SPATA16: variants seen among roughly 807,000 people sequenced by gnomAD.
SPATA16 encodes spermatogenesis-associated protein 16.
Under a neutral mutation model 63.3 loss-of-function variants are expected in SPATA16, and 36 were observed. The ratio of observed to expected loss-of-function variants is 0.57; its 90% CI spans 0.44 to 0.75. The LOEUF is 0.75. SPATA16 is among the 30% of genes least tolerant of loss of function. The pLI is 0.00. For missense variants in SPATA16, 646 were observed against 679.3 expected, an observed-to-expected ratio of 0.95 and a Z score of 0.54; for synonymous variants, 203 against 216.7, an observed-to-expected ratio of 0.94 and a Z score of 0.56.
rs192097140 is a variant in SPATA16, at chr3:173,044,327, A to G, written c.758+4622T>C. Among the ~76,000 whole-genome samples the G allele has an allele frequency of 3.8e-4, 58 of 152,212 alleles. No homozygotes were observed. The East Asian group carries it at 0.011, about 28-fold the overall frequency. ...TCTTTATAGTGGATAATTTCTATCG[A>G]TTTGTCTTCAACTTCACTAGTCCTT... On this transcript the variant is annotated intron_variant, in intron 3 of 10. Coordinates refer to ENST00000351008, the MANE Select transcript of SPATA16 (RefSeq NM_031955.6).
At chr3:173,015,698 G>A (rs1196711855) in intron 4 of SPATA16, among the ~76,000 whole-genome samples, 2 of 152,148 alleles carry the variant, frequency 1.3e-5, no homozygotes, top group African/African-American at 2.4e-5. Context: ...ACTGGTGCTT[G>A]GCATATTTTA....
At chr3:172,965,354 G>T (rs1417082777) in intron 5 of SPATA16, among the ~76,000 whole-genome samples, 5 of 152,160 alleles carry the variant, frequency 3.3e-5, no homozygotes, top group Non-Finnish European at 5.9e-5. Context: ...TATATGAAAG[G>T]TTCTTGCACA....
At chr3:172,966,180 C>T (rs565459872) in intron 5 of SPATA16, among the ~76,000 whole-genome samples, 7 of 152,218 alleles carry the variant, frequency 4.6e-5, no homozygotes, top group South Asian at 2.1e-4. Flanking sequence ...CACAATGTCA[C>T]GTAATATTAA....
intron 1 of SPATA16, among the ~76,000 whole-genome samples, chr3:173,133,096 A>G (rs1215182267): frequency 6.6e-6 from 1 of 152,228 alleles, no homozygotes; most frequent in Admixed American, 6.5e-5. Context: ...GACAAAGTGG[A>G]CTTTATGGAA....
intron 2 of SPATA16, among the ~76,000 whole-genome samples, chr3:173,064,613 T>C (rs1443821942): frequency 2.5e-4 from 38 of 152,326 alleles, no homozygotes; most frequent in South Asian, 8.3e-4. Context: ...AGCTCTAGGA[T>C]GGAGTTAACT....
intron 4 of SPATA16, among the ~76,000 whole-genome samples, chr3:173,005,320 C>T (rs1171502202): frequency 1.7e-5 from 2 of 120,196 alleles, no homozygotes; most frequent in African/African-American, 6.4e-5. Context: ...AAGACTCTGT[C>T]TCAAAAGAAA....
At chr3:172,946,410 T>G (rs1733289538) in intron 6 of SPATA16, among the ~76,000 whole-genome samples, 1 of 152,152 alleles carries the variant, frequency 6.6e-6, no homozygotes. Context: ...TTTCAGGCCT[T>G]GGCTACTAGA....
chr3:173,019,116 T>C (rs1264821020), intron 4 of SPATA16, among the ~76,000 whole-genome samples: 1 of 152,214 alleles, frequency 6.6e-6, no homozygotes, highest in African/African-American at 2.4e-5. Context: ...TAGGATCTTT[T>C]TCACGTGATT....
intron 10 of SPATA16, among the ~76,000 whole-genome samples, chr3:172,890,451 A>G (rs1455760066): frequency 1.3e-5 from 2 of 152,190 alleles, no homozygotes; most frequent in East Asian, 1.9e-4. Flanking sequence ...CCTGACTCCT[A>G]GGACCTGCAT....
intron 5 of SPATA16, among the ~76,000 whole-genome samples, chr3:172,972,532 G>C (rs1029070327): frequency 6.6e-6 from 1 of 152,140 alleles, no homozygotes; most frequent in African/African-American, 2.4e-5. Context: ...TAAGAGAAAA[G>C]AAAACTCCTT....
At chr3:172,910,725 G>A (rs191825158) in intron 10 of SPATA16, among the ~76,000 whole-genome samples, 13 of 152,124 alleles carry the variant, frequency 8.5e-5, no homozygotes, top group Admixed American at 5.2e-4. Flanking sequence ...GGGCTTCTCC[G>A]CCTAAGTTTG....
chr3:173,036,263 G>A lies in SPATA16; in HGVS notation c.758+12686C>T, dbSNP rs1577142614. On this transcript the variant is annotated intron_variant, in intron 3 of 10. Coordinates refer to ENST00000351008, the MANE Select transcript of SPATA16 (RefSeq NM_031955.6). ...GCCTGTCACTTAAAGGAACACAACT[G>A]ACAGTATATATTGCTAGTGATAAAA... 2.6e-5 allele frequency among the ~76,000 whole-genome samples: 4 copies of A among 152,012 alleles called. No individual in the cohort carries two copies. The South Asian group carries it at 8.3e-4, about 31-fold the overall frequency.
intron 4 of SPATA16, among the ~76,000 whole-genome samples, chr3:172,980,238 T>C (rs1053080888): frequency 5.3e-5 from 8 of 152,216 alleles, no homozygotes; most frequent in African/African-American, 1.9e-4. Context: ...GATCAACCCA[T>C]TGAGCATCCA....
intron 2 of SPATA16, among the ~76,000 whole-genome samples, chr3:173,095,351 G>T (rs1577171841): frequency 6.6e-6 from 1 of 152,238 alleles, no homozygotes; most frequent in Non-Finnish European, 1.5e-5. Flanking sequence ...GGGACTTCCA[G>T]ACAATAATAA....
At chr3:172,935,089 A>G (rs1279736307) in intron 6 of SPATA16, among the ~76,000 whole-genome samples, 1 of 152,214 alleles carries the variant, frequency 6.6e-6, no homozygotes, top group Non-Finnish European at 1.5e-5. Flanking sequence ...AAAATCCAAG[A>G]GGATAAACTG....
intron 3 of SPATA16, among the ~76,000 whole-genome samples, chr3:173,028,085 CTCTCTTTCTT>C (rs1735510294): frequency 3.1e-5 from 4 of 127,050 alleles, no homozygotes; most frequent in African/African-American, 1.2e-4. Flanking sequence ...CTTTCTCTCT[CTCTCTTTCTT>C]TCTTTCAATT....
intron 4 of SPATA16, among the ~76,000 whole-genome samples, chr3:172,992,253 C>T (rs1044967826): frequency 4.6e-5 from 7 of 151,902 alleles, no homozygotes; most frequent in Non-Finnish European, 8.8e-5. Flanking sequence ...CAAATGTGCC[C>T]AGAGGCATTA....
chr3:173,075,013 G>GAAAA (rs1491228690), intron 2 of SPATA16, among the ~76,000 whole-genome samples: 14 of 118,782 alleles, frequency 1.2e-4, no homozygotes, highest in South Asian at 5.2e-4. Context: ...AAAAAAAAAA[G>GAAAA]GAAAGAAAAG....
intron 6 of SPATA16, among the ~76,000 whole-genome samples, chr3:172,925,981 G>A (rs189198601): frequency 0.019 from 2,929 of 151,842 alleles, 29 homozygotes; most frequent in Middle Eastern, 0.058. Flanking sequence ...GCCCGCCACC[G>A]CGCCCAGCTG....
Sources: allele counts gnomAD v4.1 joint callset (sites outside exome capture counted in the v4.1 genomes callset), GRCh38; gene constraint gnomAD v4.1.1; transcripts MANE v1.5; gene names NCBI Gene and HGNC (gene_info 2026-07-23, HGNC 2026-07-21).